Variants in LRRC4C observed in about 807,000 individuals in gnomAD.
The protein encoded by LRRC4C is leucine rich repeat containing 4C.
LRRC4C carries 5 observed loss-of-function variants against 33.6 expected under a neutral mutation model. That is an observed-to-expected ratio of 0.15 (90% CI 0.08 to 0.31). The LOEUF is 0.31. Ranked by LOEUF, LRRC4C falls within the 10% of genes least tolerant of loss-of-function variation. LRRC4C has a pLI of 1.00. For synonymous variants in LRRC4C, 329 were observed against 302.0 expected (o/e 1.09, Z -0.93); for missense variants, 560 against 796.7 (o/e 0.70, Z 3.58).
At chr11:40,117,299 T>C (rs1481343764) in intron 6 of LRRC4C, among the ~76,000 whole-genome samples, 2 of 152,200 alleles carry the variant, frequency 1.3e-5, no homozygotes, top group Non-Finnish European at 2.9e-5. Context: ...CCTGTGAAGA[T>C]GCACTGAAAC....
At chr11:40,156,843 G>A (rs898125313) in intron 5 of LRRC4C, among the ~76,000 whole-genome samples, 7 of 151,986 alleles carry the variant, frequency 4.6e-5, no homozygotes, top group African/African-American at 1.7e-4. Context: ...ATACTGCCAA[G>A]AGCAATCTAC....
intron 2 of LRRC4C, among the ~76,000 whole-genome samples, chr11:40,671,219 CTG>C (rs920016923): frequency 7.9e-4 from 120 of 152,246 alleles, no homozygotes; most frequent in African/African-American, 2.8e-3. Flanking sequence ...ACATTTGAAA[CTG>C]TGATTAATCA....
chr11:41,418,044 T>TA (rs1217470542), intron 1 of LRRC4C, among the ~76,000 whole-genome samples: 1 of 151,804 alleles, frequency 6.6e-6, no homozygotes, highest in Non-Finnish European at 1.5e-5. Flanking sequence ...TCATAGCTCT[T>TA]AAACTCTATT....
chr11:41,011,943 G>GTT (rs200197288), intron 1 of LRRC4C, among the ~76,000 whole-genome samples: 64 of 143,512 alleles, frequency 4.5e-4, no homozygotes, highest in Admixed American at 7.7e-4. Context: ...TGCCTCCTGG[G>GTT]TTTTTTTTTT....
chr11:40,831,111 G>A (rs1177941206), intron 2 of LRRC4C, among the ~76,000 whole-genome samples: 1 of 152,110 alleles, frequency 6.6e-6, no homozygotes, highest in Non-Finnish European at 1.5e-5. Context: ...CAAAAGAGGG[G>A]CATAATTCAA....
At chr11:41,284,752 G>A (rs917978459) in intron 1 of LRRC4C, among the ~76,000 whole-genome samples, 8 of 152,140 alleles carry the variant, frequency 5.3e-5, no homozygotes, top group Non-Finnish European at 8.8e-5. Context: ...AGAAAAGTTT[G>A]AACATGTGTA....
chr11:41,426,989 T>G (rs1175187679), intron 1 of LRRC4C, among the ~76,000 whole-genome samples: 1 of 152,206 alleles, frequency 6.6e-6, no homozygotes, highest in Non-Finnish European at 1.5e-5. Flanking sequence ...TCAATTCTAC[T>G]GCAGTTGTTT....
At chr11:40,367,892 T>C (rs964899060) in intron 3 of LRRC4C, among the ~76,000 whole-genome samples, 3 of 152,164 alleles carry the variant, frequency 2.0e-5, no homozygotes, top group African/African-American at 7.2e-5. Context: ...GAGTTTTGCA[T>C]ATTTATATAT....
intron 1 of LRRC4C, among the ~76,000 whole-genome samples, chr11:41,042,395 T>C (rs1275778892): frequency 2.6e-5 from 4 of 152,174 alleles, no homozygotes; most frequent in Admixed American, 6.5e-5. Context: ...TTTATGTTCC[T>C]ACACAAAACA....
intron 3 of LRRC4C, among the ~76,000 whole-genome samples, chr11:40,580,649 G>A (rs1719901585): frequency 6.6e-6 from 1 of 152,134 alleles, no homozygotes; most frequent in Non-Finnish European, 1.5e-5. Context: ...TGTTCACAGT[G>A]AAATGCAGAT....
chr11:40,893,009 G>GA (rs547166311), intron 2 of LRRC4C, among the ~76,000 whole-genome samples: 117 of 151,564 alleles, frequency 7.7e-4, no homozygotes, highest in Non-Finnish European at 8.8e-5. Flanking sequence ...ATCTCTATGT[G>GA]TTTTTTTTCT....
intron 1 of LRRC4C, among the ~76,000 whole-genome samples, chr11:40,996,597 TAA>T (rs992522412): frequency 2.6e-5 from 4 of 152,116 alleles, no homozygotes; most frequent in African/African-American, 9.7e-5. Context: ...TATGTTGCTA[TAA>T]AGAAATACCT....
chr11:41,036,633 C>G (rs559266427), intron 1 of LRRC4C, among the ~76,000 whole-genome samples: 2 of 144,158 alleles, frequency 1.4e-5, no homozygotes, highest in South Asian at 4.8e-4. Flanking sequence ...CACCAACCAA[C>G]ACAGGTGTTG....
chr11:40,422,050 G>T (rs977636300), intron 3 of LRRC4C, among the ~76,000 whole-genome samples: 4 of 152,164 alleles, frequency 2.6e-5, no homozygotes, highest in Non-Finnish European at 5.9e-5. Context: ...GGTAAATTCT[G>T]CCCAGTTAAT....
chr11:40,154,311 C>CAAAACAAAACAAAAAAAAA (rs1858495192), intron 5 of LRRC4C, among the ~76,000 whole-genome samples: 1 of 137,654 alleles, frequency 7.3e-6, no homozygotes. Flanking sequence ...AAACAAAAAG[C>CAAAACAAAACAAAAAAAAA]AAAGTACACA....
intron 1 of LRRC4C, among the ~76,000 whole-genome samples, chr11:41,313,224 C>T (rs1252383156): frequency 6.6e-6 from 1 of 152,208 alleles, no homozygotes; most frequent in East Asian, 1.9e-4. Flanking sequence ...CTCTCCACTT[C>T]TCCTTCCTCA....
intron 1 of LRRC4C, among the ~76,000 whole-genome samples, chr11:41,422,483 ATT>A (rs1954904731): frequency 6.6e-6 from 1 of 151,842 alleles, no homozygotes; most frequent in Admixed American, 6.6e-5. Context: ...TACTGCCACT[ATT>A]TTGCAGTCAT....
intron 1 of LRRC4C, among the ~76,000 whole-genome samples, chr11:41,092,846 C>A (rs1940525759): frequency 1.3e-5 from 2 of 152,184 alleles, no homozygotes; most frequent in African/African-American, 4.8e-5. Context: ...TGCCTCATGG[C>A]ATGCAATGAT....
chr11:40,393,191 G>A (rs1047668817), intron 3 of LRRC4C, among the ~76,000 whole-genome samples: 3 of 152,028 alleles, frequency 2.0e-5, no homozygotes, highest in African/African-American at 4.8e-5. Context: ...ATAGGGATTG[G>A]AATATTTCAG....
Sources: gnomAD v4.1 joint callset for allele counts (sites outside exome capture counted in the v4.1 genomes callset) on GRCh38, gnomAD v4.1.1 for gene constraint, MANE v1.5 for transcripts, NCBI Gene and HGNC (gene_info 2026-07-23, HGNC 2026-07-21) for gene names.